The following PIP4K2A variants were observed in gnomAD, a reference collection of about 807,000 sequenced individuals.
PIP4K2A encodes the protein phosphatidylinositol-5-phosphate 4-kinase type 2 alpha.
In PIP4K2A, 14 loss-of-function variants were observed where a neutral mutation model predicts 42.9. The ratio of observed to expected loss-of-function variants is 0.33; its 90% CI spans 0.22 to 0.51. The LOEUF is 0.51. Ranked by LOEUF, PIP4K2A falls within the 20% of genes least tolerant of loss-of-function variation. The pLI is 0.97. For synonymous variants in PIP4K2A, 192 were observed against 192.2 expected (o/e 1.00, Z 0.01); for missense variants, 434 against 519.8 (o/e 0.83, Z 1.61).
chr10:22,553,473 T>G (rs182553906), intron 6 of PIP4K2A, among the ~76,000 whole-genome samples: 185 of 152,360 alleles, frequency 1.2e-3, no homozygotes, highest in Admixed American at 3.3e-3. Flanking sequence ...TAGCACTTTG[T>G]GTGCGTCATT....
chr10:22,591,873 G>A (rs1032513857), intron 3 of PIP4K2A, 92 bp from the exon 4 acceptor site: 17 of 1,157,062 alleles, frequency 1.5e-5, no homozygotes, highest in African/African-American at 3.1e-5. Context: ...TGTCATCATT[G>A]CAAGTTTTCA....
chr10:22,546,361 G>A (rs962979541), intron 7 of PIP4K2A, among the ~76,000 whole-genome samples: 5 of 152,098 alleles, frequency 3.3e-5, no homozygotes, highest in African/African-American at 9.7e-5. Flanking sequence ...TAGACCGGGG[G>A]AAAAAGAACC....
At chr10:22,598,023 T>TG in intron 3 of PIP4K2A, among the ~76,000 whole-genome samples, 1 of 152,172 alleles carries the variant, frequency 6.6e-6, no homozygotes, top group East Asian at 1.9e-4. Context: ...TGGACACACT[T>TG]GGAGAGTTAT....
chr10:22,685,375 T>C (rs948112919), intron 1 of PIP4K2A, among the ~76,000 whole-genome samples: 8 of 152,136 alleles, frequency 5.3e-5, no homozygotes, highest in Non-Finnish European at 1.0e-4. Context: ...ATTTTGGTCA[T>C]GACAGAATCA....
In PIP4K2A at chr10:22,564,779, C is replaced by T. The variant is rs544215523; in HGVS notation, c.678+3072G>A. Among the ~76,000 whole-genome samples, 118 of 152,316 alleles carry T rather than the reference C, an allele frequency of 7.7e-4. 1 individual carries two copies. The highest frequency in any genetic ancestry group is 2.6e-3 in the African/African-American group (108 of 41,566). ...TGGCCAAAGAAGCCTCCACCATTTT[C>T]TTCTCTCCTCCTTACCTGCTGCAAT... is the stretch of plus-strand genomic sequence containing the variant. On this transcript the variant is annotated intron_variant, in intron 6 of 9. Coordinates refer to ENST00000376573, the MANE Select transcript of PIP4K2A (RefSeq NM_005028.5).
In PIP4K2A at chr10:22,607,919, C is replaced by T; in HGVS notation, c.339+8G>A. 1 of 1,593,742 alleles carries T rather than the reference C, an allele frequency of 6.3e-7. No homozygotes were observed. Among genetic ancestry groups the T allele is most frequent in the South Asian group, 1.1e-5 (1 of 90,302 alleles). ...CTACTGGAAGCAAATGTTACAAACGCAACTCACCTGGAAATCTTGATCATC... is the reference window on the plus strand; with the variant it reads ...CTACTGGAAGCAAATGTTACAAACGTAACTCACCTGGAAATCTTGATCATC... On this transcript the variant is annotated splice_region_variant and intron_variant, in intron 3 of 9. Coordinates refer to ENST00000376573, the MANE Select transcript of PIP4K2A (RefSeq NM_005028.5).
At chr10:22,544,332 G>A (rs1836207075) in intron 7 of PIP4K2A, among the ~76,000 whole-genome samples, 1 of 152,060 alleles carries the variant, frequency 6.6e-6, no homozygotes, top group African/African-American at 2.4e-5. Flanking sequence ...GGGGGTGGGG[G>A]TGCTTATGGT....
At chr10:22,548,999 G>T (rs138147682) in intron 7 of PIP4K2A, among the ~76,000 whole-genome samples, 1 of 152,294 alleles carries the variant, frequency 6.6e-6, no homozygotes, top group Non-Finnish European at 1.5e-5. Context: ...GCTGCAGTGA[G>T]CTATGCTCAT....
chr10:22,686,633 T>A (rs1219608665), intron 1 of PIP4K2A, among the ~76,000 whole-genome samples: 1 of 152,082 alleles, frequency 6.6e-6, no homozygotes, highest in African/African-American at 2.4e-5. Context: ...ACTAATTAGT[T>A]AAAAAAATTT....
At chr10:22,627,521 T>C (rs1409517530) in intron 1 of PIP4K2A, among the ~76,000 whole-genome samples, 2 of 144,888 alleles carry the variant, frequency 1.4e-5, no homozygotes, top group African/African-American at 5.1e-5. Flanking sequence ...TGCCTTTCCC[T>C]GCTCATCAAG....
At chr10:22,600,910 T>C (rs191565877) in intron 3 of PIP4K2A, among the ~76,000 whole-genome samples, 4 of 151,940 alleles carry the variant, frequency 2.6e-5, no homozygotes, top group African/African-American at 4.8e-5. Flanking sequence ...GCTTTCATTA[T>C]AGAGGGGAGC....
In PIP4K2A at chr10:22,612,593, G is replaced by C. The variant is rs2130717644; in HGVS notation, c.145-2876C>G. Among the ~76,000 whole-genome samples the C allele has an allele frequency of 2.0e-5, 3 of 152,330 alleles. No homozygotes were observed. In the East Asian group the frequency reaches 5.8e-4, roughly 29 times the overall value. ...AGACAGAGGAGAGCAGCTCAGCAGA[G>C]GGCGGAGGCGGCAGCAGAAACGAAA... On this transcript the variant is annotated intron_variant, in intron 1 of 9. Transcript: ENST00000376573.
At chr10:22,557,484 G>A (rs896684408) in intron 6 of PIP4K2A, among the ~76,000 whole-genome samples, 1 of 152,150 alleles carries the variant, frequency 6.6e-6, no homozygotes, top group African/African-American at 2.4e-5. Flanking sequence ...ATTAACTCAC[G>A]TGTATGTGTA....
intron 1 of PIP4K2A, among the ~76,000 whole-genome samples, chr10:22,656,784 C>G (rs1476372560): frequency 6.7e-6 from 1 of 149,738 alleles, no homozygotes; most frequent in Non-Finnish European, 1.5e-5. Context: ...GTGAGAAGAG[C>G]CAGACTCCAT....
rs181077400 is a variant in PIP4K2A at position 22,535,384 on chromosome 10, G to A, written c.*1817C>T. 36 of 152,334 alleles carry A rather than the reference G, an allele frequency of 2.4e-4. No individual in the cohort carries two copies. The highest frequency in any genetic ancestry group is 2.2e-3 in the Admixed American group (34 of 15,298). 9.4% of individuals were successfully genotyped at this position (152,334 alleles called of 1,614,324 possible). On this transcript the variant is annotated 3_prime_UTR_variant, in exon 10 of 10. Coordinates refer to ENST00000376573, the MANE Select transcript of PIP4K2A (RefSeq NM_005028.5). Reference sequence around the variant, plus strand: ...CGTGACAGTGGTGTTAACACTGGCTGCTGAGGATACCAAATCTACATAAAA... The same window carrying A: ...CGTGACAGTGGTGTTAACACTGGCTACTGAGGATACCAAATCTACATAAAA...
intron 1 of PIP4K2A, among the ~76,000 whole-genome samples, chr10:22,624,681 A>AG (rs1284694865): frequency 1.3e-5 from 2 of 152,126 alleles, no homozygotes; most frequent in Non-Finnish European, 2.9e-5. Context: ...GTTACCTAGC[A>AG]GGGGGAAAAA....
rs192020921 is a variant in PIP4K2A, at chr10:22,544,585, C to T, written c.793-2538G>A. Among the ~76,000 whole-genome samples the T allele has an allele frequency of 3.9e-5, 6 of 152,298 alleles. No homozygotes were observed. In the East Asian group the frequency reaches 1.2e-3, roughly 29 times the overall value. ...GCCCCCCTTCTGCCCACACCTGCTC[C>T]CTCTGGGTGCTTGGAAGGTCCCTGT... On this transcript the variant is annotated intron_variant, in intron 7 of 9. Transcript: ENST00000376573.
At chr10:22,703,226 C>T (rs574754259) in intron 1 of PIP4K2A, among the ~76,000 whole-genome samples, 1 of 151,676 alleles carries the variant, frequency 6.6e-6, no homozygotes, top group Non-Finnish European at 1.5e-5. Context: ...GGCAACACAG[C>T]GAGACCCCCC....
intron 1 of PIP4K2A, among the ~76,000 whole-genome samples, chr10:22,692,524 T>C (rs1271488251): frequency 2.0e-5 from 3 of 152,136 alleles, no homozygotes; most frequent in Non-Finnish European, 4.4e-5. Flanking sequence ...TGGGATGTGA[T>C]TCTAAATAAA....
Sources: allele counts gnomAD v4.1 joint callset (sites outside exome capture counted in the v4.1 genomes callset), GRCh38; gene constraint gnomAD v4.1.1; transcripts MANE v1.5; gene names NCBI Gene and HGNC (gene_info 2026-07-23, HGNC 2026-07-21).